The following CARNMT1 variants were observed in gnomAD, a reference collection of about 807,000 sequenced individuals.
The protein encoded by CARNMT1 is protein-L-histidine N-pros-methyltransferase CARNMT1.
In CARNMT1, 28 loss-of-function variants were observed where a neutral mutation model predicts 49.6. The ratio of observed to expected loss-of-function variants is 0.56; its 90% CI spans 0.42 to 0.77. CARNMT1 has a LOEUF of 0.77. CARNMT1 is among the 30% of genes least tolerant of loss of function. The probability of loss-of-function intolerance (pLI) is 0.00; values close to 1 mark genes in which losing one functional copy is unlikely to be tolerated. For missense variants in CARNMT1, 421 were observed against 512.6 expected (o/e 0.82, Z 1.73); for synonymous variants, 178 against 175.0 (o/e 1.02, Z -0.13).
chr9:75,022,705 G>A (rs1046828638), intron 1 of CARNMT1, among the ~76,000 whole-genome samples: 2 of 152,050 alleles, frequency 1.3e-5, no homozygotes, highest in Admixed American at 6.6e-5. Context: ...GTTTACTCCC[G>A]GGCTCTGGAT....
Position 74,981,810 on chromosome 9 carries a change from C to G in CARNMT1, c.*1957G>C, listed in dbSNP as rs1464742336. The G allele has an allele frequency of 6.6e-6, 1 of 151,948 alleles. No individual in the cohort carries two copies. Among genetic ancestry groups the G allele is most frequent in the African/African-American group, 2.4e-5 (1 of 41,394 alleles). 9.4% of individuals were successfully genotyped at this position (151,948 alleles called of 1,614,324 possible). Reference sequence around the variant, plus strand: ...ACTAGTCAGTGAATAAAAAGCATGTCTAAGCCATTGAAAAACAGCATGCAT... The same window carrying G: ...ACTAGTCAGTGAATAAAAAGCATGTGTAAGCCATTGAAAAACAGCATGCAT... On this transcript the variant is annotated 3_prime_UTR_variant, in exon 8 of 8. Coordinates refer to ENST00000376834, the MANE Select transcript of CARNMT1 (RefSeq NM_152420.3).
intron 1 of CARNMT1, among the ~76,000 whole-genome samples, chr9:75,021,275 TAC>T (rs1290020714): frequency 7.4e-6 from 1 of 134,448 alleles, no homozygotes; most frequent in East Asian, 2.0e-4. Context: ...TATGTATATA[TAC>T]ATAGTATATA....
At chr9:75,022,449 C>G (rs1822398845) in intron 1 of CARNMT1, among the ~76,000 whole-genome samples, 1 of 152,018 alleles carries the variant, frequency 6.6e-6, no homozygotes, top group South Asian at 2.1e-4. Context: ...ATCTTGAACT[C>G]CTGACCTGAA....
chr9:74,998,874 A>C, intron 4 of CARNMT1, 98 bp from the exon 5 acceptor site: 1 of 648,840 alleles, frequency 1.5e-6, no homozygotes. Flanking sequence ...GAAGATTTGC[A>C]TATATAATTA....
intron 1 of CARNMT1, among the ~76,000 whole-genome samples, chr9:75,022,542 G>A (rs1822401757): frequency 6.6e-6 from 1 of 152,062 alleles, no homozygotes; most frequent in Non-Finnish European, 1.5e-5. Context: ...GTATTTTTAA[G>A]GCTCTTGATA....
chr9:75,013,108 T>A (rs1186650702), intron 3 of CARNMT1, among the ~76,000 whole-genome samples: 3 of 152,116 alleles, frequency 2.0e-5, no homozygotes, highest in Admixed American at 1.3e-4. Context: ...TTCTCATAAG[T>A]ATATACAGGC....
intron 1 of CARNMT1, among the ~76,000 whole-genome samples, chr9:75,024,987 G>A (rs1375425488): frequency 5.9e-5 from 9 of 152,128 alleles, no homozygotes; most frequent in African/African-American, 1.7e-4. Flanking sequence ...TAAGAAAGTC[G>A]TAGGAAAGGG....
chr9:74,994,775 TATA>T (rs1234315013), intron 6 of CARNMT1, among the ~76,000 whole-genome samples: 7 of 152,192 alleles, frequency 4.6e-5, no homozygotes, highest in African/African-American at 1.7e-4. Context: ...GTTAATACTT[TATA>T]AAGTACTAAC....
At chr9:75,026,616 C>T (rs1822536704) in intron 1 of CARNMT1, among the ~76,000 whole-genome samples, 2 of 152,336 alleles carry the variant, frequency 1.3e-5, no homozygotes, top group Non-Finnish European at 2.9e-5. Flanking sequence ...ATCCAAACTT[C>T]TCTTTTGGGC....
chr9:74,991,149 CT>C (rs1227299824), intron 6 of CARNMT1: 36 of 146,446 alleles, frequency 2.5e-4, no homozygotes, highest in Admixed American at 3.4e-4. Flanking sequence ...GTTTTTTTTT[CT>C]TTTTTTTTTT....
intron 1 of CARNMT1, among the ~76,000 whole-genome samples, chr9:75,027,796 G>C (rs1469564735): frequency 6.6e-6 from 1 of 152,234 alleles, no homozygotes; most frequent in African/African-American, 2.4e-5. Context: ...ACACGAGGCT[G>C]TGCAGCAGAC....
At chr9:74,998,491 A>G in intron 5 of CARNMT1, 107 bp downstream of exon 5, 1 of 880,426 alleles carries the variant, frequency 1.1e-6, no homozygotes, top group Non-Finnish European at 1.6e-6. Flanking sequence ...CATATGCCTT[A>G]TGTTCTACCA....
intron 1 of CARNMT1, among the ~76,000 whole-genome samples, chr9:75,020,768 G>A (rs1822323917): frequency 6.6e-6 from 1 of 152,150 alleles, no homozygotes; most frequent in Non-Finnish European, 1.5e-5. Flanking sequence ...GTGTTTGGTG[G>A]CTTGGTGTGG....
chr9:74,998,748 A>T lies in CARNMT1; in HGVS notation c.760T>A (p.Tyr254Asn). The change falls in exon 5 of 8, where the codon TAT becomes AAT. Residue 254 changes from tyrosine to asparagine, a missense_variant. Physicochemically the swap from Tyr to Asn is moderately radical, Grantham distance 143. Around this residue, in one of 2 missense-constraint regions of CARNMT1, gnomAD observed 235 missense variants for 344.8 expected, o/e 0.68. Transcript: ENST00000376834. ...RCSEINKYKL[Y>N]PWIHQFSNNR... ...TTGCTAAACTGATGGATCCAAGGAT[A>T]AAGTTTATATTTATTAATTTCAGAA... The T allele has an allele frequency of 6.4e-7, 1 of 1,559,798 alleles. No individual in the cohort carries two copies. The highest frequency in any genetic ancestry group is 8.7e-7 in the Non-Finnish European group (1 of 1,152,008).
chr9:75,018,493 G>A (rs923039556), intron 1 of CARNMT1, among the ~76,000 whole-genome samples: 1 of 152,122 alleles, frequency 6.6e-6, no homozygotes, highest in South Asian at 2.1e-4. Context: ...GTGTAATTAG[G>A]ACATTTACAC....
intron 6 of CARNMT1, 86 bp from the exon 7 acceptor site, chr9:74,985,096 G>A: frequency 1.0e-6 from 1 of 973,174 alleles, no homozygotes; most frequent in Admixed American, 2.1e-5. Flanking sequence ...GAGTAAGTTA[G>A]GTACTGGATG....
intron 4 of CARNMT1, 152 bp from the exon 5 acceptor site, chr9:74,998,928 A>ATAC: frequency 2.2e-6 from 1 of 460,474 alleles, no homozygotes; most frequent in African/African-American, 2.0e-5. Context: ...TTATCTGAAA[A>ATAC]TGTACATATA....
chr9:74,998,824 A>T (rs1833273485), intron 4 of CARNMT1, 48 bp from the exon 5 acceptor site: 1 of 1,204,912 alleles, frequency 8.3e-7, no homozygotes, highest in Non-Finnish European at 1.1e-6. Flanking sequence ...TATTTTACCA[A>T]GAAAATCCAC....
chr9:75,011,985 A>G (rs1232605418), intron 3 of CARNMT1, among the ~76,000 whole-genome samples: 1 of 152,186 alleles, frequency 6.6e-6, no homozygotes, highest in Non-Finnish European at 1.5e-5. Flanking sequence ...AAGCTCCTAC[A>G]CAGAAGAACC....
Sources: allele counts gnomAD v4.1 joint callset (sites outside exome capture counted in the v4.1 genomes callset), GRCh38; gene constraint gnomAD v4.1.1; regional missense constraint gnomAD v4.1.1; transcripts MANE v1.5; gene names NCBI Gene and HGNC (gene_info 2026-07-23, HGNC 2026-07-21).